The following TSPEAR variants were observed in gnomAD, a reference collection of about 807,000 sequenced individuals.
The protein encoded by TSPEAR is thrombospondin type laminin G domain and EAR repeats, also known as thrombospondin-type laminin G domain and EAR repeat-containing protein.
Under a neutral mutation model 71.6 loss-of-function variants are expected in TSPEAR, and 69 were observed. The ratio of observed to expected loss-of-function variants is 0.96; its 90% CI spans 0.79 to 1.18. The LOEUF (loss-of-function observed/expected upper bound fraction) is 1.18, where lower values mean the gene tolerates loss of function less well. Ranked by LOEUF, TSPEAR falls within the 50% of genes most tolerant of loss-of-function variation. TSPEAR has a pLI of 0.00. For synonymous variants in TSPEAR, 402 were observed against 387.2 expected (o/e 1.04, Z -0.45); for missense variants, 971 against 894.9 (o/e 1.09, Z -1.09).
At chr21:44,627,116 G>GACACACTC in intron 1 of TSPEAR, 1 of 1,582,130 alleles carries the variant, frequency 6.3e-7, no homozygotes, top group East Asian at 2.2e-5. Flanking sequence ...CTCACTCACT[G>GACACACTC]ACACACTCAC....
Position 44,525,670 on chromosome 21 carries a change from ACCGCCAGGAAG to A in TSPEAR, c.1308_1318del (p.Phe437GlyfsTer117). The A allele has an allele frequency of 6.2e-7, 1 of 1,613,996 alleles. No homozygotes were observed. The highest frequency in any genetic ancestry group is 1.1e-5 in the South Asian group (1 of 91,064). ...TGCCCTACCTTCCCGGTGGTTGGCC[ACCGCCAGGAAG>A]TGCTCCCCATCCACCTCGAAGGCCT... On this transcript the variant is annotated frameshift_variant, in exon 8 of 12. Coordinates refer to ENST00000323084, the MANE Select transcript of TSPEAR (RefSeq NM_144991.3). LOFTEE classifies it high-confidence loss of function.
chr21:44,647,144 C>T (rs1460633504), intron 1 of TSPEAR: 5 of 1,614,156 alleles, frequency 3.1e-6, no homozygotes, highest in Non-Finnish European at 4.2e-6. Context: ...TGCACCACCT[C>T]CTGCTGCAGA....
chr21:44,698,549 C>T (rs1443934622), intron 1 of TSPEAR, among the ~76,000 whole-genome samples: 1 of 152,204 alleles, frequency 6.6e-6, no homozygotes, highest in Non-Finnish European at 1.5e-5. Flanking sequence ...GCAGCGGGGT[C>T]ACTCGCAGGC....
At position 44,678,481 on chromosome 21, in the gene TSPEAR, G is replaced by T. The variant is rs371734704; in HGVS notation, c.82+32952C>A. 2.8e-4 allele frequency among the ~76,000 whole-genome samples: 43 copies of T among 152,216 alleles called. 1 individual carries two copies. The South Asian group carries it at 7.9e-3, about 28-fold the overall frequency. ...TCCTGAGGCCTCCCTAGAAGCAGAA[G>T]CCTCTATGGTTCCTGTATAGCCTGC... On this transcript the variant is annotated intron_variant, in intron 1 of 11. Transcript: ENST00000323084.
rs587752857 is a variant in TSPEAR, at chr21:44,637,498, C to T, written c.83-69493G>A. ...TAGTCGACTGCCCAGAGAGCTGCTG[C>T]GAGCCCTGCTGCTGTGCCCCAGCCC... On this transcript the variant is annotated intron_variant, in intron 1 of 11. Coordinates refer to ENST00000323084, the MANE Select transcript of TSPEAR (RefSeq NM_144991.3). 4.5e-4 allele frequency: 724 copies of T among 1,613,364 alleles called. 13 individuals carry two copies. The South Asian group carries it at 7.0e-3, about 16-fold the overall frequency.
intron 1 of TSPEAR, among the ~76,000 whole-genome samples, chr21:44,587,847 C>A (rs1442892622): frequency 6.6e-6 from 1 of 152,170 alleles, no homozygotes; most frequent in Non-Finnish European, 1.5e-5. Flanking sequence ...ACTGGATCCT[C>A]ATCTCTCACC....
intron 1 of TSPEAR, among the ~76,000 whole-genome samples, chr21:44,615,133 G>T (rs950170838): frequency 6.6e-6 from 1 of 152,244 alleles, no homozygotes; most frequent in Non-Finnish European, 1.5e-5. Context: ...CTCCGCCATG[G>T]GCAGTGCTGA....
rs1980573681 is a variant in TSPEAR at position 44,599,134 on chromosome 21, T to TCTCTCTC, written c.83-31130_83-31129insGAGAGAG. ...CCATATGGAAGCAGAGGCCCCCATT[T>TCTCTCTC]TCTCTCTCTCTCTCTCTCTCTCTCT... On this transcript the variant is annotated intron_variant, in intron 1 of 11. Transcript: ENST00000323084. Among the ~76,000 whole-genome samples the TCTCTCTC allele has an allele frequency of 3.6e-4, 33 of 92,278 alleles. 2 individuals are homozygous for TCTCTCTC. Among genetic ancestry groups the TCTCTCTC allele is most frequent in the African/African-American group, 9.6e-4 (29 of 30,234 alleles). The allele number at this position is 92,278 out of a possible 152,430, so 60.5% of individuals were successfully genotyped here. A position where few individuals can be genotyped will look rare whatever the true frequency, so the allele number is the denominator to read the frequency against.
Position 44,589,496 on chromosome 21 carries a change from G to A in TSPEAR, c.83-21491C>T, listed in dbSNP as rs1005496736. ...TGGACATTTGTTTCATTCCTCTGAGGTAGATGCCTAGAACTGGAGTGGCAG... is the reference window on the plus strand; with the variant it reads ...TGGACATTTGTTTCATTCCTCTGAGATAGATGCCTAGAACTGGAGTGGCAG... On this transcript the variant is annotated intron_variant, in intron 1 of 11. Coordinates refer to ENST00000323084, the MANE Select transcript of TSPEAR (RefSeq NM_144991.3). Among the ~76,000 whole-genome samples, 5 of 152,234 alleles carry A rather than the reference G, an allele frequency of 3.3e-5. 1 individual carries two copies. The highest frequency in any genetic ancestry group is 6.5e-5 in the Admixed American group (1 of 15,292).
chr21:44,638,078 T>G, intron 1 of TSPEAR: 1 of 1,613,204 alleles, frequency 6.2e-7, no homozygotes, highest in Non-Finnish European at 8.5e-7. Flanking sequence ...GCCCAGCTGC[T>G]GCCGCACGGC....
At chr21:44,629,494 G>T (rs1555935328) in intron 1 of TSPEAR, among the ~76,000 whole-genome samples, 2 of 152,212 alleles carry the variant, frequency 1.3e-5, no homozygotes, top group African/African-American at 4.8e-5. Context: ...TTGGATTAGG[G>T]CCCATCCATA....
chr21:44,662,517 C>A (rs1272145765), intron 1 of TSPEAR, among the ~76,000 whole-genome samples: 6 of 152,132 alleles, frequency 3.9e-5, no homozygotes, highest in Non-Finnish European at 5.9e-5. Context: ...AAAGGAAAAA[C>A]AGATAAATCA....
intron 2 of TSPEAR, chr21:44,558,441 G>A: frequency 6.2e-7 from 1 of 1,614,118 alleles, no homozygotes; most frequent in Non-Finnish European, 8.5e-7. Context: ...GCAGGGGGAG[G>A]ATGTGCAGCA....
chr21:44,635,389 C>T (rs1983496203), intron 1 of TSPEAR, among the ~76,000 whole-genome samples: 1 of 148,168 alleles, frequency 6.7e-6, no homozygotes, highest in Non-Finnish European at 1.5e-5. Flanking sequence ...AAGCACTATT[C>T]ACACTAGCCA....
chr21:44,702,194 G>A, intron 1 of TSPEAR: 3 of 1,543,222 alleles, frequency 1.9e-6, no homozygotes, highest in South Asian at 1.2e-5. Flanking sequence ...CAGAGCAAAA[G>A]CTCCAGAGGA....
In TSPEAR at chr21:44,590,595, C is replaced by A. The variant is rs587733920; in HGVS notation, c.83-22590G>T. ...GAGTCCTGGGGGAGGGCGTGGTCCC[C>A]ATGTCTTACTGTGGAGGAGATGAGG... On this transcript the variant is annotated intron_variant, in intron 1 of 11. Coordinates refer to ENST00000323084, the MANE Select transcript of TSPEAR (RefSeq NM_144991.3). Among the ~76,000 whole-genome samples, 817 of 151,882 alleles carry A rather than the reference C, an allele frequency of 5.4e-3. 5 individuals are homozygous for A. Among genetic ancestry groups the A allele is most frequent in the Non-Finnish European group, 9.5e-3 (647 of 67,844 alleles).
At position 44,636,480 on chromosome 21, in the gene TSPEAR, G is replaced by A. The variant is rs587673326; in HGVS notation, c.83-68475C>T. Among the ~76,000 whole-genome samples, 3 of 152,280 alleles carry A rather than the reference G, an allele frequency of 2.0e-5. No homozygotes were observed. In the South Asian group the frequency reaches 6.2e-4, roughly 32 times the overall value. On this transcript the variant is annotated intron_variant, in intron 1 of 11. Transcript: ENST00000323084. The stretch of plus-strand genomic sequence containing the variant: ...GGGACAGTCACTCTGATCCTAGGTG[G>A]ACAATGATGTCACCTACAGATACTA...
chr21:44,626,463 C>CACAGCT (rs1471058246), intron 1 of TSPEAR, among the ~76,000 whole-genome samples: 27 of 152,212 alleles, frequency 1.8e-4, no homozygotes, highest in Admixed American at 3.3e-4. Flanking sequence ...TGCTGCCTAG[C>CACAGCT]ACAGCTACTT....
chr21:44,584,094 C>A (rs1228615622), intron 1 of TSPEAR, among the ~76,000 whole-genome samples: 2 of 152,208 alleles, frequency 1.3e-5, no homozygotes, highest in Non-Finnish European at 2.9e-5. Context: ...AATGAAAACT[C>A]CCTGCACCCC....
Sources: allele counts gnomAD v4.1 joint callset (sites outside exome capture counted in the v4.1 genomes callset), GRCh38; gene constraint gnomAD v4.1.1; transcripts MANE v1.5; gene names NCBI Gene and HGNC (gene_info 2026-07-23, HGNC 2026-07-21).